The following KCNK10 variants were observed in gnomAD, a reference collection of about 807,000 sequenced individuals.
KCNK10 encodes the protein potassium two pore domain channel subfamily K member 10, also known as potassium channel subfamily K member 10.
A neutral mutation model predicts 47.7 loss-of-function variants in KCNK10; 25 were observed. The observed-to-expected ratio is 0.52, with a 90% CI of 0.38 to 0.73. The LOEUF (loss-of-function observed/expected upper bound fraction) is 0.73, where lower values mean the gene tolerates loss of function less well. Ranked by LOEUF, KCNK10 falls within the 30% of genes least tolerant of loss-of-function variation. The probability of loss-of-function intolerance (pLI) is 0.00; values close to 1 mark genes in which losing one functional copy is unlikely to be tolerated. For synonymous variants in KCNK10, 303 were observed against 285.6 expected, an observed-to-expected ratio of 1.06 and a Z score of -0.61; for missense variants, 563 against 714.5, an observed-to-expected ratio of 0.79 and a Z score of 2.42.
At chr14:88,236,342 G>A (rs1255934447) in intron 3 of KCNK10, among the ~76,000 whole-genome samples, 2 of 151,746 alleles carry the variant, frequency 1.3e-5, no homozygotes, top group African/African-American at 2.4e-5. Context: ...AAAAGAAAAT[G>A]TGAGTCAATA....
chr14:88,303,862 T>C (rs1156973117), intron 1 of KCNK10, among the ~76,000 whole-genome samples: 2 of 152,166 alleles, frequency 1.3e-5, no homozygotes, highest in African/African-American at 4.8e-5. Context: ...CTCCCTCCAA[T>C]GTGAAGTCCT....
chr14:88,203,178 C>T (rs768814812), intron 4 of KCNK10, among the ~76,000 whole-genome samples: 3 of 152,186 alleles, frequency 2.0e-5, no homozygotes, highest in African/African-American at 7.2e-5. Flanking sequence ...CAGCAGCATC[C>T]AGGGGCCACC....
intron 1 of KCNK10, among the ~76,000 whole-genome samples, chr14:88,267,375 C>A (rs1314444126): frequency 6.9e-6 from 1 of 145,048 alleles, no homozygotes. Flanking sequence ...TTTTCTTTTT[C>A]TTTTTTTTTT....
At chr14:88,320,455 G>A (rs899905688) in intron 1 of KCNK10, among the ~76,000 whole-genome samples, 3 of 152,074 alleles carry the variant, frequency 2.0e-5, no homozygotes, top group East Asian at 1.9e-4. Flanking sequence ...TCAGTCTCAC[G>A]GTACTCCCTC....
chr14:88,236,804 T>C (rs913029096), intron 3 of KCNK10, among the ~76,000 whole-genome samples: 1 of 152,224 alleles, frequency 6.6e-6, no homozygotes, highest in Admixed American at 6.5e-5. Context: ...GAAAATACTT[T>C]ATTACCAAAA....
In KCNK10 at chr14:88,180,965, G is replaced by T. The variant is rs746651669; in HGVS notation, c.*4570C>A. ...AGGCCATTACTAGCCAGCTCTTACT[G>T]TTCACTCAGCCACTGTCTTTGCACA... is the stretch of plus-strand genomic sequence containing the variant. On this transcript the variant is annotated 3_prime_UTR_variant, in exon 7 of 7. Coordinates refer to ENST00000319231, the MANE Select transcript of KCNK10 (RefSeq NM_138317.3). 3.3e-5 allele frequency: 13 copies of T among 397,218 alleles called. No individual in the cohort carries two copies. The highest frequency in any genetic ancestry group is 6.2e-4 in the Middle Eastern group (1 of 1,608). The allele number at this position is 397,218 out of a possible 1,614,324, so 24.6% of individuals were successfully genotyped here.
intron 1 of KCNK10, among the ~76,000 whole-genome samples, chr14:88,300,488 C>T (rs575728844): frequency 4.8e-4 from 73 of 152,332 alleles, no homozygotes; most frequent in Admixed American, 1.6e-3. Context: ...ACCACAAGCA[C>T]TAAACATATG....
intron 1 of KCNK10, among the ~76,000 whole-genome samples, chr14:88,292,329 C>A (rs1254900398): frequency 6.6e-6 from 1 of 152,104 alleles, no homozygotes; most frequent in East Asian, 1.9e-4. Flanking sequence ...GAAAGGAGAG[C>A]TTTGTGATTT....
At chr14:88,221,388 T>C (rs8010148) in intron 4 of KCNK10, among the ~76,000 whole-genome samples, 38,716 of 151,648 alleles carry the variant, frequency 0.26, 5,382 homozygotes, top group Non-Finnish European at 0.3. Flanking sequence ...AATTAAAAAA[T>C]AGGCCAAAGA....
rs932108447 is a variant in KCNK10, at chr14:88,182,691, G to A, written c.*2844C>T. 6.6e-6 allele frequency: 1 copy of A among 152,320 alleles called. No homozygotes were observed. The highest frequency in any genetic ancestry group is 1.5e-5 in the Non-Finnish European group (1 of 68,036). The allele number at this position is 152,320 out of a possible 1,614,324, so 9.4% of individuals were successfully genotyped here. On this transcript the variant is annotated 3_prime_UTR_variant, in exon 7 of 7. Coordinates refer to ENST00000319231, the MANE Select transcript of KCNK10 (RefSeq NM_138317.3). The stretch of plus-strand genomic sequence containing the variant: ...CCACCCCCAGCCCAAGGTTATGTTT[G>A]ATCCCTCTGTGTGACTGATTTGACT...
chr14:88,277,098 C>A lies in KCNK10; in HGVS notation c.53-13547G>T, dbSNP rs116915678. On this transcript the variant is annotated intron_variant, in intron 1 of 6. Transcript: ENST00000319231. ...CCAGGTCACTGACATGGAGGCTCCA[C>A]ACCCCAACACACTGCTTTGCAAGCA... Among the ~76,000 whole-genome samples, 1,018 of 152,318 alleles carry A rather than the reference C, an allele frequency of 6.7e-3. 10 individuals carry two copies. Among genetic ancestry groups the A allele is most frequent in the Middle Eastern group, 0.031 (9 of 294 alleles).
At chr14:88,299,011 A>G (rs142249008) in intron 1 of KCNK10, among the ~76,000 whole-genome samples, 2 of 152,226 alleles carry the variant, frequency 1.3e-5, no homozygotes, top group East Asian at 3.9e-4. Flanking sequence ...GAAATGACAC[A>G]TCTTCTAGGA....
chr14:88,204,647 T>C (rs1885206639), intron 4 of KCNK10, among the ~76,000 whole-genome samples: 1 of 144,056 alleles, frequency 6.9e-6, no homozygotes, highest in South Asian at 2.3e-4. Context: ...GTAGTAGCAG[T>C]TAGTTTGCAG....
intron 2 of KCNK10, among the ~76,000 whole-genome samples, chr14:88,258,024 T>G (rs1887006448): frequency 6.6e-6 from 1 of 152,006 alleles, no homozygotes; most frequent in African/African-American, 2.4e-5. Flanking sequence ...CATTGCCAAA[T>G]GCCCCCTAGA....
chr14:88,196,942 A>G (rs1033030095), intron 4 of KCNK10, among the ~76,000 whole-genome samples: 1 of 152,196 alleles, frequency 6.6e-6, no homozygotes, highest in African/African-American at 2.4e-5. Context: ...TCTATAAACT[A>G]TGAGTAGAGC....
In KCNK10 at chr14:88,322,408, GACACACACACAC is replaced by G. The variant is rs35179933; in HGVS notation, c.52+327_52+338del. On this transcript the variant is annotated intron_variant, in intron 1 of 6. Coordinates refer to ENST00000319231, the MANE Select transcript of KCNK10 (RefSeq NM_138317.3). This position sits in a 1 kb window ranked among gnomAD's most constrained non-coding sequence, Gnocchi z 4.8. ...GAGACAAAGATCACCAGAAACAAAG[GACACACACACAC>G]ACACACACACACACACACACTCGCA... Among the ~76,000 whole-genome samples the G allele has an allele frequency of 3.5e-3, 521 of 150,144 alleles. 3 individuals are homozygous for G. Among genetic ancestry groups the G allele is most frequent in the African/African-American group, 0.012 (486 of 40,772 alleles).
rs1884422585 is a variant in KCNK10, at chr14:88,183,037, T to C, written c.*2498A>G. 2 of 152,282 alleles carry C rather than the reference T, an allele frequency of 1.3e-5. No homozygotes were observed. The highest frequency in any genetic ancestry group is 1.3e-4 in the Admixed American group (2 of 15,272). 9.4% of individuals were successfully genotyped at this position (152,282 alleles called of 1,614,324 possible). On this transcript the variant is annotated 3_prime_UTR_variant, in exon 7 of 7. Transcript: ENST00000319231. Reference sequence around the variant, plus strand: ...CATCTGTAAGCTGTGTCCATGAAGCTAGAAAGACACACATACACACAAACA... The same window carrying C: ...CATCTGTAAGCTGTGTCCATGAAGCCAGAAAGACACACATACACACAAACA...
chr14:88,206,006 TAGAA>T (rs1256982766), intron 4 of KCNK10, among the ~76,000 whole-genome samples: 1 of 152,142 alleles, frequency 6.6e-6, no homozygotes, highest in African/African-American at 2.4e-5. Context: ...GTACATAACA[TAGAA>T]AGGTATAGTC....
intron 2 of KCNK10, among the ~76,000 whole-genome samples, chr14:88,258,480 AG>A (rs1467178891): frequency 6.6e-6 from 1 of 152,002 alleles, no homozygotes. Flanking sequence ...TAGTAGAGAC[AG>A]GGTTTCACCA....
Sources: allele counts gnomAD v4.1 joint callset (sites outside exome capture counted in the v4.1 genomes callset), GRCh38; gene constraint gnomAD v4.1.1; non-coding constraint Gnocchi (gnomAD v3.1); transcripts MANE v1.5; gene names NCBI Gene and HGNC (gene_info 2026-07-23, HGNC 2026-07-21).